CSMD3: variants seen among roughly 807,000 people sequenced by gnomAD.
CSMD3 encodes the protein CUB and sushi domain-containing protein 3.
In CSMD3, 177 loss-of-function variants were observed where a neutral mutation model predicts 435.2. The observed-to-expected ratio is 0.41, with a 90% confidence interval of 0.36 to 0.46. The LOEUF is 0.46. Ranked by LOEUF, CSMD3 falls within the 20% of genes least tolerant of loss-of-function variation. The pLI, the probability that CSMD3 is intolerant of heterozygous loss-of-function variation, is 0.34. For missense variants in CSMD3, 4,265 were observed against 4,504.6 expected, an observed-to-expected ratio of 0.95 and a Z score of 1.52; for synonymous variants, 1,656 against 1,520.5, an observed-to-expected ratio of 1.09 and a Z score of -2.07.
chr8:112,440,525 G>A (rs191901572), intron 32 of CSMD3, among the ~76,000 whole-genome samples: 288 of 152,208 alleles, frequency 1.9e-3, no homozygotes, highest in Non-Finnish European at 3.5e-3. Flanking sequence ...GTGCCCCAGT[G>A]GATACTCTGT....
rs145863021 is a variant in CSMD3 at position 112,448,224 on chromosome 8, C to T, written c.5395+24367G>A. Among the ~76,000 whole-genome samples, 1,317 of 152,248 alleles carry T rather than the reference C, an allele frequency of 8.7e-3. 16 individuals are homozygous for T. Among genetic ancestry groups the T allele is most frequent in the African/African-American group, 0.031 (1,270 of 41,540 alleles). Reference sequence around the variant, plus strand: ...ACACAGTAGAGAGAGAACATTGATGCCTCTTCCTCTTTTCATAAGAGCACC... The same window carrying T: ...ACACAGTAGAGAGAGAACATTGATGTCTCTTCCTCTTTTCATAAGAGCACC... On this transcript the variant is annotated intron_variant, in intron 32 of 70. Coordinates refer to ENST00000297405, the MANE Select transcript of CSMD3 (RefSeq NM_198123.2).
At chr8:112,883,605 G>A (rs2081508312) in intron 10 of CSMD3, among the ~76,000 whole-genome samples, 1 of 151,824 alleles carries the variant, frequency 6.6e-6, no homozygotes, top group African/African-American at 2.4e-5. Flanking sequence ...TGTACAGAGA[G>A]TTCCCATATT....
intron 7 of CSMD3, among the ~76,000 whole-genome samples, chr8:112,970,316 A>G (rs540749942): frequency 6.6e-5 from 10 of 150,600 alleles, no homozygotes; most frequent in Non-Finnish European, 1.3e-4. Flanking sequence ...ATATGGCATG[A>G]ACCCAGGAGG....
In CSMD3 at chr8:112,346,129, C is replaced by T. The variant is rs2131022953; in HGVS notation, c.6410G>A (p.Cys2137Tyr). 1 of 1,609,810 alleles carries T rather than the reference C, an allele frequency of 6.2e-7. No homozygotes were observed. The highest frequency in any genetic ancestry group is 8.5e-7 in the Non-Finnish European group (1 of 1,176,226). The change falls in exon 41 of 71, where the codon TGC becomes TAC. Residue 2137 changes from cysteine to tyrosine, a missense_variant. This residue lies in a region of CSMD3 where 3,255 missense variants were observed against 3,380.2 expected (regional missense o/e 0.96). Transcript: ENST00000297405. The stretch of plus-strand genomic sequence containing the variant: ...TATGGGTAGATTTATTGTCCATGTG[C>T]AATCTAAACTGCTGGGATAGTTTCC... ...FPGNYPSSLDCTWTINLPIGF... is the reference protein window; with the variant it reads ...FPGNYPSSLDYTWTINLPIGF...
At chr8:112,332,351 T>C (rs1261119045) in intron 45 of CSMD3, among the ~76,000 whole-genome samples, 1 of 152,214 alleles carries the variant, frequency 6.6e-6, no homozygotes, top group East Asian at 1.9e-4. Context: ...TAACTGAAGA[T>C]GAGTTAAGAA....
At chr8:112,866,132 T>C (rs975766296) in intron 10 of CSMD3, among the ~76,000 whole-genome samples, 4 of 152,166 alleles carry the variant, frequency 2.6e-5, no homozygotes, top group Non-Finnish European at 5.9e-5. Context: ...AGGAGTATGA[T>C]AGCATATGTC....
At chr8:112,423,901 C>T (rs943772791) in intron 32 of CSMD3, among the ~76,000 whole-genome samples, 5 of 152,050 alleles carry the variant, frequency 3.3e-5, no homozygotes, top group Non-Finnish European at 7.4e-5. Flanking sequence ...GTTGTCTAGG[C>T]CTGGCAGAAG....
At chr8:112,596,629 C>T (rs1442055409) in intron 22 of CSMD3, among the ~76,000 whole-genome samples, 2 of 151,920 alleles carry the variant, frequency 1.3e-5, no homozygotes, top group African/African-American at 2.4e-5. Flanking sequence ...AAGCTCTCCT[C>T]AGCAAATGTA....
At chr8:113,293,132 T>C (rs13270413) in intron 2 of CSMD3, among the ~76,000 whole-genome samples, 49,288 of 151,410 alleles carry the variant, frequency 0.33, 9,971 homozygotes, top group Non-Finnish European at 0.47. Context: ...CTATGTAATA[T>C]AGTTCTGAAC....
chr8:112,560,150 T>C (rs973930732), intron 24 of CSMD3, among the ~76,000 whole-genome samples: 13 of 151,792 alleles, frequency 8.6e-5, no homozygotes, highest in Non-Finnish European at 2.9e-5. Context: ...CAAGAACTTG[T>C]ATAGTTCTAA....
chr8:112,993,143 T>C (rs1336615806), intron 6 of CSMD3, among the ~76,000 whole-genome samples: 24 of 151,620 alleles, frequency 1.6e-4, no homozygotes, highest in Admixed American at 1.5e-3. Context: ...TTTAAAAAAA[T>C]ATCCAAATGG....
At chr8:112,986,452 G>C (rs1411757691) in intron 6 of CSMD3, among the ~76,000 whole-genome samples, 1 of 152,028 alleles carries the variant, frequency 6.6e-6, no homozygotes, top group Non-Finnish European at 1.5e-5. Context: ...GGACATCTAG[G>C]CAAAACTCAT....
intron 38 of CSMD3, among the ~76,000 whole-genome samples, chr8:112,376,581 T>G (rs1484555602): frequency 6.6e-6 from 1 of 151,900 alleles, no homozygotes; most frequent in Non-Finnish European, 1.5e-5. Context: ...GTGGCCTGAA[T>G]GAGGTGATGT....
At chr8:112,928,554 T>G (rs983617598) in intron 9 of CSMD3, among the ~76,000 whole-genome samples, 2 of 151,834 alleles carry the variant, frequency 1.3e-5, no homozygotes, top group Non-Finnish European at 2.9e-5. Flanking sequence ...TTTTTGTTCT[T>G]GCGATAGTTT....
chr8:113,161,112 G>T (rs1051419964), intron 4 of CSMD3, among the ~76,000 whole-genome samples: 1 of 152,050 alleles, frequency 6.6e-6, no homozygotes, highest in Non-Finnish European at 1.5e-5. Flanking sequence ...GGGAATTTTA[G>T]TCTATTCTCT....
chr8:113,379,948 G>A (rs1332474965), intron 1 of CSMD3, among the ~76,000 whole-genome samples: 3 of 152,138 alleles, frequency 2.0e-5, no homozygotes, highest in Non-Finnish European at 4.4e-5. Context: ...AAAATTGATA[G>A]CAATGCAAAC....
At chr8:112,343,524 T>C (rs1348623102) in intron 41 of CSMD3, among the ~76,000 whole-genome samples, 5 of 152,198 alleles carry the variant, frequency 3.3e-5, no homozygotes, top group Non-Finnish European at 4.4e-5. Flanking sequence ...ATGTTTAATT[T>C]TTTTTAGCTT....
At position 112,928,828 on chromosome 8, in the gene CSMD3, G is replaced by C. The variant is rs977739034; in HGVS notation, c.1509-7077C>G. Among the ~76,000 whole-genome samples the C allele has an allele frequency of 1.1e-4, 17 of 149,236 alleles. 1 individual carries two copies. Among genetic ancestry groups the C allele is most frequent in the African/African-American group, 3.9e-4 (16 of 40,806 alleles). ...ACTAATGGCATGGCTGGGTCAAATGGTATTTCTAGTTCTAGATCCCTGAGG... is the reference window on the plus strand; with the variant it reads ...ACTAATGGCATGGCTGGGTCAAATGCTATTTCTAGTTCTAGATCCCTGAGG... On this transcript the variant is annotated intron_variant, in intron 9 of 70. Transcript: ENST00000297405.
chr8:112,873,499 T>C (rs1447112293), intron 10 of CSMD3, among the ~76,000 whole-genome samples: 1 of 152,064 alleles, frequency 6.6e-6, no homozygotes, highest in African/African-American at 2.4e-5. Context: ...CTTCTATTAG[T>C]GCACATATAT....
Sources: allele counts gnomAD v4.1 joint callset (sites outside exome capture counted in the v4.1 genomes callset), GRCh38; gene constraint gnomAD v4.1.1; regional missense constraint gnomAD v4.1.1; transcripts MANE v1.5; gene names NCBI Gene and HGNC (gene_info 2026-07-23, HGNC 2026-07-21).